ESR1: variants seen among roughly 807,000 people sequenced by gnomAD.
ESR1 encodes estrogen receptor 1.
ESR1 carries 12 observed loss-of-function variants against 52.7 expected under a neutral mutation model. The observed-to-expected ratio is 0.23, with a 90% CI of 0.15 to 0.37. ESR1 has a LOEUF of 0.37. Among genes scored for constraint, ESR1 ranks in the 10% least tolerant of loss-of-function variants. ESR1 has a pLI of 1.00. For missense variants in ESR1, 584 were observed against 779.7 expected (o/e 0.75, Z 2.99); for synonymous variants, 305 against 316.8 (o/e 0.96, Z 0.39).
At chr6:151,920,037 G>A (rs942694269) in intron 3 of ESR1, among the ~76,000 whole-genome samples, 2 of 152,144 alleles carry the variant, frequency 1.3e-5, no homozygotes, top group Non-Finnish European at 2.9e-5. Flanking sequence ...AAGCAGCAAG[G>A]ATAGAATCTT....
intron 2 of ESR1, among the ~76,000 whole-genome samples, chr6:151,704,206 C>G (rs1227071341): frequency 6.6e-6 from 1 of 152,088 alleles, no homozygotes; most frequent in African/African-American, 2.4e-5. Context: ...TTTTAAGAAA[C>G]AACACTCAAG....
intron 4 of ESR1, among the ~76,000 whole-genome samples, chr6:151,965,363 A>G (rs1168796028): frequency 1.3e-5 from 2 of 152,226 alleles, no homozygotes; most frequent in East Asian, 1.9e-4. Flanking sequence ...TTGGAATCAC[A>G]TAAATAATGA....
chr6:151,772,444 T>G (rs1358502114), intron 2 of ESR1, among the ~76,000 whole-genome samples: 2 of 152,240 alleles, frequency 1.3e-5, no homozygotes, highest in Non-Finnish European at 2.9e-5. Context: ...GTCATGGGTA[T>G]GTCCAAAAGA....
At chr6:151,854,347 T>C (rs961783552) in intron 2 of ESR1, among the ~76,000 whole-genome samples, 5 of 152,194 alleles carry the variant, frequency 3.3e-5, no homozygotes, top group Non-Finnish European at 7.4e-5. Context: ...TGATTTTTTT[T>C]TAAGCGAAAG....
intron 3 of ESR1, among the ~76,000 whole-genome samples, chr6:151,925,464 G>A (rs1170116189): frequency 1.3e-5 from 2 of 151,988 alleles, no homozygotes; most frequent in East Asian, 1.9e-4. Flanking sequence ...AAAATTAGTC[G>A]GACATGGTGT....
At chr6:151,942,235 T>A (rs1308306582) in intron 3 of ESR1, among the ~76,000 whole-genome samples, 1 of 152,216 alleles carries the variant, frequency 6.6e-6, no homozygotes, top group Non-Finnish European at 1.5e-5. Flanking sequence ...ATTTGTTAAG[T>A]TAGTACCTAC....
At chr6:152,067,964 A>G (rs970387434) in intron 6 of ESR1, among the ~76,000 whole-genome samples, 1 of 152,272 alleles carries the variant, frequency 6.6e-6, no homozygotes. Context: ...CACCAAATAT[A>G]AACTGCAAAT....
At chr6:151,898,856 C>A (rs930983688) in intron 3 of ESR1, among the ~76,000 whole-genome samples, 1 of 152,214 alleles carries the variant, frequency 6.6e-6, no homozygotes, top group Non-Finnish European at 1.5e-5. Flanking sequence ...ACCTTTCCCC[C>A]CTTTCTATTC....
At chr6:151,993,221 C>A (rs1360632751) in intron 4 of ESR1, among the ~76,000 whole-genome samples, 2 of 152,052 alleles carry the variant, frequency 1.3e-5, no homozygotes, top group Non-Finnish European at 2.9e-5. Context: ...GGGCAACTGC[C>A]AATCTATAAA....
chr6:151,809,221 G>C, intron 1 of ESR1: 1 of 458,734 alleles, frequency 2.2e-6, no homozygotes, highest in Non-Finnish European at 4.6e-6. Flanking sequence ...TGTGGAAGGA[G>C]CGCGGCCGGT....
At chr6:151,747,928 A>C in intron 2 of ESR1, among the ~76,000 whole-genome samples, 1 of 152,226 alleles carries the variant, frequency 6.6e-6, no homozygotes. Flanking sequence ...TTACAAATAA[A>C]ATTGCTATGA....
At chr6:151,722,156 C>T (rs769302423) in intron 2 of ESR1, among the ~76,000 whole-genome samples, 15 of 152,152 alleles carry the variant, frequency 9.9e-5, no homozygotes, top group Admixed American at 2.0e-4. Flanking sequence ...AGCCCCTGAA[C>T]GAGGGATCAG....
At chr6:151,712,333 T>A (rs1219361278) in intron 2 of ESR1, among the ~76,000 whole-genome samples, 1 of 152,196 alleles carries the variant, frequency 6.6e-6, no homozygotes, top group East Asian at 1.9e-4. Context: ...GGCTTTTTTT[T>A]GGTTCCATAT....
At chr6:151,966,507 A>G (rs1389939847) in intron 4 of ESR1, among the ~76,000 whole-genome samples, 1 of 152,030 alleles carries the variant, frequency 6.6e-6, no homozygotes, top group African/African-American at 2.4e-5. Flanking sequence ...TCTTTCTGAT[A>G]GATATAGCAT....
chr6:152,082,760 CAA>C (rs2049337806), intron 6 of ESR1, among the ~76,000 whole-genome samples: 1 of 152,192 alleles, frequency 6.6e-6, no homozygotes, highest in Admixed American at 6.5e-5. Flanking sequence ...GCAACTTCAG[CAA>C]AGTCTCAGGA....
intron 2 of ESR1, among the ~76,000 whole-genome samples, chr6:151,773,091 C>A (rs901289856): frequency 1.3e-5 from 2 of 152,086 alleles, no homozygotes; most frequent in Admixed American, 1.3e-4. Context: ...TAAAACAAGG[C>A]CACTAGGGTT....
chr6:151,846,379 G>T (rs1785124304), intron 2 of ESR1, among the ~76,000 whole-genome samples: 1 of 152,134 alleles, frequency 6.6e-6, no homozygotes, highest in Non-Finnish European at 1.5e-5. Context: ...AAGTTTAAGG[G>T]TTTCTAGTTC....
chr6:151,833,172 A>G (rs1782730001), intron 1 of ESR1, among the ~76,000 whole-genome samples: 1 of 152,156 alleles, frequency 6.6e-6, no homozygotes, highest in African/African-American at 2.4e-5. Context: ...AGGGTGACAC[A>G]TAAAATTAAC....
chr6:152,075,528 TCACTTGCC>T (rs1400604323), intron 6 of ESR1, among the ~76,000 whole-genome samples: 1 of 152,216 alleles, frequency 6.6e-6, no homozygotes, highest in Non-Finnish European at 1.5e-5. Context: ...TATGCACCAT[TCACTTGCC>T]CACTCATCTC....
Sources: gnomAD v4.1 joint callset for allele counts (sites outside exome capture counted in the v4.1 genomes callset) on GRCh38, gnomAD v4.1.1 for gene constraint, MANE v1.5 for transcripts, NCBI Gene and HGNC (gene_info 2026-07-23, HGNC 2026-07-21) for gene names.